The following YEATS2 variants were observed in gnomAD, a reference collection of about 807,000 sequenced individuals.
YEATS2 encodes YEATS domain containing 2, also known as YEATS domain-containing protein 2.
Under a neutral mutation model 163.2 loss-of-function variants are expected in YEATS2, and 77 were observed. The ratio of observed to expected loss-of-function variants is 0.47; its 90% CI spans 0.39 to 0.57. The LOEUF (loss-of-function observed/expected upper bound fraction) is 0.57, where lower values mean the gene tolerates loss of function less well. Among genes scored for constraint, YEATS2 ranks in the 20% least tolerant of loss-of-function variants. The probability of loss-of-function intolerance (pLI) is 0.00; values close to 1 mark genes in which losing one functional copy is unlikely to be tolerated. For missense variants in YEATS2, 1,549 were observed against 1,729.8 expected (o/e 0.90, Z 1.85); for synonymous variants, 631 against 645.1 (o/e 0.98, Z 0.33).
At position 183,754,253 on chromosome 3, in the gene YEATS2, T is replaced by C. The variant is rs1720486810; in HGVS notation, c.1278T>C (p.Ala426=). Residue 426 remains alanine (A), a synonymous_variant, in exon 11 of 31, where the codon GCT becomes GCC. Coordinates refer to ENST00000305135, the MANE Select transcript of YEATS2 (RefSeq NM_018023.5). The part of the protein sequence containing the change: ...KVTFCSHGNS[A]FQPIASSCKI... ...CCTTTTGTTCCCATGGCAATTCAGCTTTCCAGCCAATAGCATCAAGCTGCA... is the reference window on the plus strand; with the variant it reads ...CCTTTTGTTCCCATGGCAATTCAGCCTTCCAGCCAATAGCATCAAGCTGCA... The C allele has an allele frequency of 1.9e-6, 3 of 1,614,190 alleles. No individual in the cohort carries two copies. The highest frequency in any genetic ancestry group is 4.5e-5 in the East Asian group (2 of 44,878).
chr3:183,754,012 G>C (rs1051380430), intron 10 of YEATS2, 114 bp from the exon 11 acceptor site: 2 of 1,326,206 alleles, frequency 1.5e-6, no homozygotes, highest in Non-Finnish European at 2.0e-6. Context: ...TTTGCTACCA[G>C]TACATGGTTT....
chr3:183,809,223 G>A, intron 30 of YEATS2, 53 bp downstream of exon 30: 1 of 1,572,260 alleles, frequency 6.4e-7, no homozygotes, highest in South Asian at 1.1e-5. Flanking sequence ...TTTCCTAACA[G>A]TTGAATTGCC....
intron 29 of YEATS2, 46 bp from the exon 30 acceptor site, chr3:183,809,051 A>G: frequency 6.2e-7 from 1 of 1,603,934 alleles, no homozygotes; most frequent in Non-Finnish European, 8.5e-7. Context: ...CCTTCTTGCC[A>G]GCAAGCAGAT....
intron 1 of YEATS2, among the ~76,000 whole-genome samples, chr3:183,712,204 T>TTATGTTATGTTATGTTATG (rs1560220692): frequency 9.6e-6 from 1 of 104,266 alleles, no homozygotes; most frequent in African/African-American, 3.7e-5. Context: ...TTTATTTTAT[T>TTATGTTATGTTATGTTATG]TTATTTTATT....
intron 2 of YEATS2, among the ~76,000 whole-genome samples, chr3:183,716,179 T>G (rs994649623): frequency 6.6e-6 from 1 of 152,154 alleles, no homozygotes; most frequent in African/African-American, 2.4e-5. Flanking sequence ...CAGGATGGTC[T>G]CCATCTCCTG....
intron 20 of YEATS2, 150 bp downstream of exon 20, chr3:183,786,451 T>C: frequency 1.3e-6 from 1 of 767,314 alleles, no homozygotes; most frequent in Non-Finnish European, 2.0e-6. Context: ...ACCATAAAAG[T>C]CCCCATTTTG....
chr3:183,752,545 T>C (rs997432499), intron 10 of YEATS2, among the ~76,000 whole-genome samples: 1 of 151,362 alleles, frequency 6.6e-6, no homozygotes, highest in African/African-American at 2.4e-5. Flanking sequence ...CCGTCTCTAC[T>C]AAAAATACAA....
chr3:183,788,424 T>A (rs555094312), intron 20 of YEATS2, among the ~76,000 whole-genome samples: 48 of 152,322 alleles, frequency 3.2e-4, no homozygotes, highest in Admixed American at 9.8e-4. Context: ...TGTGCCTGGC[T>A]TATTTCACTT....
chr3:183,698,139 G>GCCGAGGGGAGGGCAGGGAGGAT (rs1713673424), intron 1 of YEATS2, 146 bp downstream of exon 1: 1 of 152,106 alleles, frequency 6.6e-6, no homozygotes, highest in Admixed American at 6.5e-5. Context: ...AGGCCCCGGG[G>GCCGAGGGGAGGGCAGGGAGGAT]CCGAGGGGAG....
intron 27 of YEATS2, among the ~76,000 whole-genome samples, chr3:183,804,688 T>C (rs940628492): frequency 6.6e-5 from 10 of 152,116 alleles, no homozygotes; most frequent in Non-Finnish European, 1.2e-4. Context: ...TGTTTCACGA[T>C]AAAAAAACAG....
intron 21 of YEATS2, among the ~76,000 whole-genome samples, chr3:183,797,006 C>T (rs1027587802): frequency 6.6e-6 from 1 of 152,066 alleles, no homozygotes; most frequent in Non-Finnish European, 1.5e-5. Flanking sequence ...CGGTAGCTCA[C>T]GCCTGTAATC....
intron 7 of YEATS2, 144 bp from the exon 8 acceptor site, chr3:183,736,574 C>G (rs374088931): frequency 4.6e-5 from 27 of 581,068 alleles, no homozygotes; most frequent in African/African-American, 4.4e-4. Flanking sequence ...CAAAATTCGG[C>G]ATGTTGATTT....
chr3:183,798,664 T>C (rs572871808), intron 22 of YEATS2, among the ~76,000 whole-genome samples: 2 of 152,280 alleles, frequency 1.3e-5, no homozygotes, highest in Admixed American at 6.5e-5. Context: ...TGGATTGTTA[T>C]TTTCTTAGTT....
Position 183,811,302 on chromosome 3 carries a change from A to T in YEATS2, c.*719A>T, listed in dbSNP as rs1347806612. 2 of 152,734 alleles carry T rather than the reference A, an allele frequency of 1.3e-5. No homozygotes were observed. The highest frequency in any genetic ancestry group is 6.5e-5 in the Admixed American group (1 of 15,288). 9.5% of individuals were successfully genotyped at this position (152,734 alleles called of 1,614,324 possible). On this transcript the variant is annotated 3_prime_UTR_variant, in exon 31 of 31. Coordinates refer to ENST00000305135, the MANE Select transcript of YEATS2 (RefSeq NM_018023.5). ...AGAAAACTCACTATGCTAGGAATAG[A>T]CTGTGTGCACCAGTCCCAGACACTT...
chr3:183,752,201 T>C lies in YEATS2; in HGVS notation c.1098T>C (p.Ser366=), dbSNP rs757446201. 59 of 1,614,056 alleles carry C rather than the reference T, an allele frequency of 3.7e-5. No homozygotes were observed. Among genetic ancestry groups the C allele is most frequent in the Non-Finnish European group, 5.0e-5 (59 of 1,180,024 alleles). Residue 366 remains serine (S), a synonymous_variant, in exon 10 of 31, where the codon TCT becomes TCC. Transcript: ENST00000305135. ...CCATTCCAGCCCCAGTGAAAGCTTC[T>C]TCACCAATAAAGCAGTCACATGAGC... ...PLTIPAPVKA[S]SPIKQSHEPV... is the part of the protein sequence containing the mutation.
chr3:183,756,307 C>T (rs992684781), intron 11 of YEATS2, among the ~76,000 whole-genome samples: 4 of 152,118 alleles, frequency 2.6e-5, no homozygotes, highest in African/African-American at 9.7e-5. Flanking sequence ...GATACTGATG[C>T]TGTTGATCCA....
chr3:183,782,251 A>G (rs111817838), intron 19 of YEATS2, among the ~76,000 whole-genome samples: 11 of 151,866 alleles, frequency 7.2e-5, no homozygotes, highest in African/African-American at 2.4e-4. Flanking sequence ...CTGGGATTAC[A>G]GGCATTCGCC....
intron 1 of YEATS2, among the ~76,000 whole-genome samples, chr3:183,707,107 A>G (rs112319610): frequency 2.0e-5 from 3 of 152,216 alleles, no homozygotes; most frequent in African/African-American, 4.8e-5. Context: ...TGTATATGCA[A>G]ATATTCCAAA....
rs559885236 is a variant in YEATS2 at position 183,752,355 on chromosome 3, G to C, written c.1150+102G>C. On this transcript the variant is annotated intron_variant, in intron 10 of 30. Coordinates refer to ENST00000305135, the MANE Select transcript of YEATS2 (RefSeq NM_018023.5). ...TATATGGAAAATAACTTTGCTATAA[G>C]TGGACATGCTGCCTCTACTACACAG... The C allele has an allele frequency of 7.9e-6, 11 of 1,387,832 alleles. No individual in the cohort carries two copies. In the East Asian group the frequency reaches 2.5e-4, roughly 32 times the overall value. 86.0% of individuals were successfully genotyped at this position (1,387,832 alleles called of 1,614,324 possible).
Sources: allele counts gnomAD v4.1 joint callset (sites outside exome capture counted in the v4.1 genomes callset), GRCh38; gene constraint gnomAD v4.1.1; transcripts MANE v1.5; gene names NCBI Gene and HGNC (gene_info 2026-07-23, HGNC 2026-07-21).